The following NPHP1 variants were observed in gnomAD, a reference collection of about 807,000 sequenced individuals.
NPHP1 encodes the protein nephrocystin-1.
In NPHP1, 70 loss-of-function variants were observed where a neutral mutation model predicts 90.4. The ratio of observed to expected loss-of-function variants is 0.77; its 90% confidence interval spans 0.64 to 0.95. The LOEUF (loss-of-function observed/expected upper bound fraction) is 0.95, where lower values mean the gene tolerates loss of function less well. Among genes scored for constraint, NPHP1 ranks in the 40% least tolerant of loss-of-function variants. The probability of loss-of-function intolerance (pLI) is 0.00; values close to 1 mark genes in which losing one functional copy is unlikely to be tolerated. For missense variants in NPHP1, 764 were observed against 795.9 expected, an observed-to-expected ratio of 0.96 and a Z score of 0.48; for synonymous variants, 256 against 271.7, an observed-to-expected ratio of 0.94 and a Z score of 0.57.
intron 5 of NPHP1, 55 bp downstream of exon 5, chr2:110,169,751 T>C: frequency 8.3e-7 from 1 of 1,201,244 alleles, no homozygotes; most frequent in Non-Finnish European, 1.2e-6. Context: ...GTTTTCTTAT[T>C]CTGTTAGGTA....
chr2:110,144,712 A>T, intron 14 of NPHP1, 143 bp from the exon 15 acceptor site: 1 of 676,498 alleles, frequency 1.5e-6, no homozygotes, highest in Non-Finnish European at 2.7e-6. Context: ...ATAATTGTTG[A>T]TCCCTCCATG....
chr2:110,194,530 A>C (rs1685006185), intron 2 of NPHP1, among the ~76,000 whole-genome samples: 1 of 152,084 alleles, frequency 6.6e-6, no homozygotes, highest in Admixed American at 6.5e-5. Context: ...TTACCAACCA[A>C]AAAAAGTCCA....
chr2:110,148,102 G>A lies in NPHP1; in HGVS notation c.1159-76C>T. The stretch of plus-strand genomic sequence containing the variant: ...GGGGTTTGATGTGGTTTGAATAAAT[G>A]TCCCCACCAAATTTCATGTTGAATT... On this transcript the variant is annotated intron_variant, in intron 12 of 19. Coordinates refer to ENST00000445609, the MANE Select transcript of NPHP1 (RefSeq NM_001128178.3). 2.6e-5 allele frequency: 24 copies of A among 934,942 alleles called. 1 individual carries two copies. The South Asian group carries it at 3.2e-4, about 12-fold the overall frequency. The allele number at this position is 934,942 out of a possible 1,614,324, so 57.9% of individuals were successfully genotyped here.
chr2:110,140,415 C>A (rs762733736), intron 16 of NPHP1, among the ~76,000 whole-genome samples: 2 of 152,140 alleles, frequency 1.3e-5, no homozygotes, highest in Non-Finnish European at 2.9e-5. Flanking sequence ...CACAAGGACA[C>A]AGGACCTTTA....
intron 4 of NPHP1, among the ~76,000 whole-genome samples, chr2:110,176,670 C>T (rs1259102102): frequency 6.6e-6 from 1 of 152,090 alleles, no homozygotes; most frequent in African/African-American, 2.4e-5. Flanking sequence ...GAAGACCTAC[C>T]TCAGCTTTGT....
chr2:110,192,479 C>G (rs147972112), intron 2 of NPHP1, among the ~76,000 whole-genome samples: 1,557 of 152,226 alleles, frequency 0.01, 27 homozygotes, highest in African/African-American at 0.036. Flanking sequence ...AAGAAACAAA[C>G]AAAGCCTCCA....
intron 8 of NPHP1, 166 bp downstream of exon 8, chr2:110,164,522 G>A (rs766612596): frequency 1.4e-6 from 2 of 1,387,732 alleles, no homozygotes; most frequent in South Asian, 1.2e-5. Flanking sequence ...AATGTTACTT[G>A]GAGCACAGGC....
At chr2:110,178,307 C>G in intron 4 of NPHP1, 116 bp downstream of exon 4, 7 of 987,638 alleles carry the variant, frequency 7.1e-6, no homozygotes, top group Non-Finnish European at 1.1e-5. Flanking sequence ...TTGACTGATT[C>G]TATTGTTAGT....
At position 110,164,307 on chromosome 2, in the gene NPHP1, G is replaced by A. The variant is rs188633241; in HGVS notation, c.771+381C>T. ...CTGCTTCAGCTTCCCAAAATGTTGG[G>A]ATTACCAGTGTGAATCACCATGCCT... On this transcript the variant is annotated intron_variant, in intron 8 of 19. Coordinates refer to ENST00000445609, the MANE Select transcript of NPHP1 (RefSeq NM_001128178.3). 3 of 570,946 alleles carry A rather than the reference G, an allele frequency of 5.3e-6. No individual in the cohort carries two copies. In the East Asian group the frequency reaches 9.0e-5, roughly 17 times the overall value. The allele number at this position is 570,946 out of a possible 1,614,324, so 35.4% of individuals were successfully genotyped here.
chr2:110,168,334 G>A (rs1349241397), intron 6 of NPHP1, 118 bp downstream of exon 6: 1 of 726,674 alleles, frequency 1.4e-6, no homozygotes, highest in African/African-American at 1.8e-5. Context: ...CAAAATTAAA[G>A]CAAATTCTAT....
At position 110,147,956 on chromosome 2, in the gene NPHP1, AG is replaced by A. The variant is rs1559060707; in HGVS notation, c.1228del (p.Gly411GlufsTer21). 3 of 1,609,642 alleles carry A rather than the reference AG, an allele frequency of 1.9e-6. No homozygotes were observed. The highest frequency in any genetic ancestry group is 1.3e-5 in the African/African-American group (1 of 74,976). On this transcript the variant is annotated frameshift_variant, in exon 13 of 20. Transcript: ENST00000445609. LOFTEE classifies it high-confidence loss of function. ...FIRSNSASPDLGILFELGISY... is the reference protein window; with the variant it reads ...FIRSNSASPDXGILFELGISY... The stretch of plus-strand genomic sequence containing the variant: ...AATTCCAAGTTCAAATAATATTCCA[AG>A]ATCTGGAGATGCAGAATTAGACCTG...
chr2:110,182,247 C>A (rs1359683052), intron 2 of NPHP1, among the ~76,000 whole-genome samples: 1 of 151,838 alleles, frequency 6.6e-6, no homozygotes, highest in Non-Finnish European at 1.5e-5. Context: ...CCCAACCTAG[C>A]AAGACAAGCC....
At chr2:110,139,943 C>T (rs905297030) in intron 16 of NPHP1, among the ~76,000 whole-genome samples, 2 of 152,220 alleles carry the variant, frequency 1.3e-5, no homozygotes, top group Middle Eastern at 6.8e-3. Flanking sequence ...GTCTCCACCT[C>T]CAGGATGCAC....
chr2:110,134,836 A>G (rs1042361055), intron 16 of NPHP1, among the ~76,000 whole-genome samples: 1 of 152,142 alleles, frequency 6.6e-6, no homozygotes, highest in Non-Finnish European at 1.5e-5. Flanking sequence ...CTACTGCAAC[A>G]TAATAAAGGC....
chr2:110,170,117 A>G, intron 4 of NPHP1, 119 bp from the exon 5 acceptor site: 1 of 1,294,808 alleles, frequency 7.7e-7, no homozygotes. Flanking sequence ...AATAAAAGAA[A>G]TAAGGGAAAA....
intron 12 of NPHP1, among the ~76,000 whole-genome samples, chr2:110,149,129 G>A (rs1244762385): frequency 6.6e-6 from 1 of 152,126 alleles, no homozygotes; most frequent in Non-Finnish European, 1.5e-5. Context: ...CACAGTTAGG[G>A]TTCCATAAGT....
At position 110,151,168 on chromosome 2, in the gene NPHP1, G is replaced by GAA. The variant is rs35894521; in HGVS notation, c.1084-914_1084-913dup. On this transcript the variant is annotated intron_variant, in intron 11 of 19. Transcript: ENST00000445609. ...GCGATGGAGCAAGATTCAGTCTCAAGAAAAAAAAAAAAAAAAAAAAGATGT... is the reference window on the plus strand; with the variant it reads ...GCGATGGAGCAAGATTCAGTCTCAAGAAAAAAAAAAAAAAAAAAAAAAGATGT... 1.2e-3 allele frequency among the ~76,000 whole-genome samples: 143 copies of GAA among 116,430 alleles called. 2 individuals carry two copies. The highest frequency in any genetic ancestry group is 5.3e-3 in the Middle Eastern group (1 of 188). 76.4% of individuals were successfully genotyped at this position (116,430 alleles called of 152,430 possible).
chr2:110,164,758 C>A lies in NPHP1; in HGVS notation c.729-28G>T, dbSNP rs375223752. On this transcript the variant is annotated intron_variant, in intron 7 of 19. Transcript: ENST00000445609. ...GGGGAGACAAAATAGCAAAGTGAGT[C>A]AGGTCAGGTTATGCCTATTCACTCA... The A allele has an allele frequency of 5.7e-6, 9 of 1,582,396 alleles. No individual in the cohort carries two copies. The African/African-American group carries it at 1.2e-4, about 21-fold the overall frequency.
intron 8 of NPHP1, chr2:110,163,531 C>T (rs1221937381): frequency 4.6e-6 from 1 of 215,898 alleles, no homozygotes; most frequent in East Asian, 9.6e-5. Flanking sequence ...CTCATAGACA[C>T]ACACCCTCAC....
Sources: gnomAD v4.1 joint callset for allele counts (sites outside exome capture counted in the v4.1 genomes callset) on GRCh38, gnomAD v4.1.1 for gene constraint, MANE v1.5 for transcripts, NCBI Gene and HGNC (gene_info 2026-07-23, HGNC 2026-07-21) for gene names.